ZNF462: variants seen among roughly 807,000 people sequenced by gnomAD.
ZNF462 encodes the protein zinc finger PBX1-interacting protein.
Under a neutral mutation model 201.9 loss-of-function variants are expected in ZNF462, and 10 were observed. The observed-to-expected ratio is 0.05, with a 90% CI of 0.03 to 0.08. The LOEUF is 0.08. Ranked by LOEUF, ZNF462 falls within the 10% of genes least tolerant of loss-of-function variation. The probability of loss-of-function intolerance (pLI) is 1.00; values close to 1 mark genes in which losing one functional copy is unlikely to be tolerated. For synonymous variants in ZNF462, 1,227 were observed against 1,193.3 expected, an observed-to-expected ratio of 1.03 and a Z score of -0.58; for missense variants, 2,523 against 3,168.3, an observed-to-expected ratio of 0.80 and a Z score of 4.89.
intron 7 of ZNF462, among the ~76,000 whole-genome samples, chr9:106,957,179 T>A (rs754893681): frequency 6.6e-6 from 1 of 152,118 alleles, no homozygotes; most frequent in Non-Finnish European, 1.5e-5. Context: ...ACTTTTTCTT[T>A]CACTTGAACA....
rs769793291 is a variant in ZNF462, at chr9:106,927,780, G to A, written c.3868G>A (p.Ala1290Thr). 6.4e-5 allele frequency: 104 copies of A among 1,613,840 alleles called. No homozygotes were observed. The highest frequency in any genetic ancestry group is 4.0e-4 in the South Asian group (36 of 91,062). Residue 1290 changes from alanine to threonine, a missense_variant, in exon 3 of 13, where the codon GCC becomes ACC. Coordinates refer to ENST00000277225, the MANE Select transcript of ZNF462 (RefSeq NM_021224.6). ...GAAGCATATCAAGAAAGACCACCCC[G>A]CCCTGAAAGCCACAGTCACGTCCAT... Reference protein sequence around the residue: ...LRKHIKKDHPALKATVTSIMR... With the variant: ...LRKHIKKDHPTLKATVTSIMR...
intron 1 of ZNF462, among the ~76,000 whole-genome samples, chr9:106,879,329 T>TCCCC (rs1321110689): frequency 6.7e-5 from 5 of 74,506 alleles, no homozygotes; most frequent in East Asian, 3.4e-4. Context: ...AGAGATGCTT[T>TCCCC]CCACCCCCCC....
In ZNF462 at chr9:106,923,318, A is replaced by G; in HGVS notation, c.-30-36A>G. The G allele has an allele frequency of 6.6e-7, 1 of 1,513,444 alleles. No homozygotes were observed. Among genetic ancestry groups the G allele is most frequent in the Non-Finnish European group, 9.2e-7 (1 of 1,090,506 alleles). 93.8% of individuals were successfully genotyped at this position (1,513,444 alleles called of 1,614,324 possible). ...TCAGCTCGAGGTATGTGATTAGTGCATTCCTTAAGATGTTTTGTTCTGACT... is the reference window on the plus strand; with the variant it reads ...TCAGCTCGAGGTATGTGATTAGTGCGTTCCTTAAGATGTTTTGTTCTGACT... On this transcript the variant is annotated intron_variant, in intron 1 of 12. Coordinates refer to ENST00000277225, the MANE Select transcript of ZNF462 (RefSeq NM_021224.6). The surrounding 1 kb of genome is among the most constrained non-coding windows in gnomAD (Gnocchi z 5.6).
chr9:106,870,043 A>G lies in ZNF462; in HGVS notation c.-31+6688A>G, dbSNP rs1370454185. On this transcript the variant is annotated intron_variant, in intron 1 of 12. Coordinates refer to ENST00000277225, the MANE Select transcript of ZNF462 (RefSeq NM_021224.6). The surrounding 1 kb of genome is among the most constrained non-coding windows in gnomAD (Gnocchi z 4.3). ...TATCATAAAATTTATCTTTTTTCTA[A>G]GTCCTCCTATTCTCATCAGCTGAAG... Among the ~76,000 whole-genome samples, 1 of 152,112 alleles carries G rather than the reference A, an allele frequency of 6.6e-6. No homozygotes were observed. The highest frequency in any genetic ancestry group is 6.5e-5 in the Admixed American group (1 of 15,270).
In ZNF462 at chr9:106,932,741, T is replaced by G. The variant is rs1830475004; in HGVS notation, c.6116+192T>G. On this transcript the variant is annotated intron_variant, in intron 5 of 12. Coordinates refer to ENST00000277225, the MANE Select transcript of ZNF462 (RefSeq NM_021224.6). This position sits in a 1 kb window ranked among gnomAD's most constrained non-coding sequence, Gnocchi z 6.8. ...GAACAGGAGATTGATCGGATGGCGT[T>G]AGATTTGGCAAATGCAGGCATTTTA... The G allele has an allele frequency of 2.9e-6, 2 of 692,712 alleles. No individual in the cohort carries two copies. The highest frequency in any genetic ancestry group is 1.8e-5 in the African/African-American group (1 of 55,612). The allele number at this position is 692,712 out of a possible 1,614,324, so 42.9% of individuals were successfully genotyped here. A position where few individuals can be genotyped will look rare whatever the true frequency, so the allele number is the denominator to read the frequency against.
chr9:106,995,084 G>A (rs1185362584), intron 10 of ZNF462, among the ~76,000 whole-genome samples: 1 of 152,042 alleles, frequency 6.6e-6, no homozygotes, highest in Non-Finnish European at 1.5e-5. Flanking sequence ...TTTGGGTCCA[G>A]GAGATTGACA....
At chr9:106,866,875 A>G (rs938288203) in intron 1 of ZNF462, among the ~76,000 whole-genome samples, 1 of 152,240 alleles carries the variant, frequency 6.6e-6, no homozygotes, top group African/African-American at 2.4e-5. Context: ...AAACATAAGT[A>G]CATTATATAT....
chr9:106,888,168 A>G (rs1337671245), intron 1 of ZNF462, among the ~76,000 whole-genome samples: 2 of 150,230 alleles, frequency 1.3e-5, no homozygotes, highest in Non-Finnish European at 3.0e-5. Context: ...CAGCCTCCCC[A>G]GTAGCTGGGA....
At position 106,938,509 on chromosome 9, in the gene ZNF462, G is replaced by A. The variant is rs1306700446; in HGVS notation, c.6236-407G>A. On this transcript the variant is annotated intron_variant, in intron 6 of 12. Transcript: ENST00000277225. This position sits in a 1 kb window ranked among gnomAD's most constrained non-coding sequence, Gnocchi z 4.4. ...GATCTTTGGAATAATAATTAAGCAT[G>A]TTATTTTCTGGGACTGACAAAAAGG... Among the ~76,000 whole-genome samples the A allele has an allele frequency of 6.6e-6, 1 of 152,158 alleles. No homozygotes were observed. Among genetic ancestry groups the A allele is most frequent in the Non-Finnish European group, 1.5e-5 (1 of 68,012 alleles).
Position 107,009,789 on chromosome 9 carries a change from T to C in ZNF462, c.7313+121T>C. 1 of 1,420,132 alleles carries C rather than the reference T, an allele frequency of 7.0e-7. No homozygotes were observed. Among genetic ancestry groups the C allele is most frequent in the Non-Finnish European group, 9.5e-7 (1 of 1,056,992 alleles). 88.0% of individuals were successfully genotyped at this position (1,420,132 alleles called of 1,614,324 possible). On this transcript the variant is annotated intron_variant, in intron 12 of 12. Coordinates refer to ENST00000277225, the MANE Select transcript of ZNF462 (RefSeq NM_021224.6). This position sits in a 1 kb window ranked among gnomAD's most constrained non-coding sequence, Gnocchi z 6.1. ...CCCTCTGTGTCACATTTCTGGGCCGTGGGAGGAGAGGCAATGGTGAGGAAC... is the reference window on the plus strand; with the variant it reads ...CCCTCTGTGTCACATTTCTGGGCCGCGGGAGGAGAGGCAATGGTGAGGAAC...
chr9:106,975,391 C>G (rs887717523), intron 9 of ZNF462: 4 of 152,222 alleles, frequency 2.6e-5, no homozygotes, highest in Admixed American at 2.6e-4. Flanking sequence ...CCTCACATTG[C>G]CCCTGAGCCA....
chr9:106,874,035 A>C (rs1473994642), intron 1 of ZNF462, among the ~76,000 whole-genome samples: 2 of 152,224 alleles, frequency 1.3e-5, no homozygotes, highest in Admixed American at 1.3e-4. Flanking sequence ...AGAGTCATCC[A>C]TTTTTACTTC....
Position 107,009,777 on chromosome 9 carries a change from A to G in ZNF462, c.7313+109A>G. On this transcript the variant is annotated intron_variant, in intron 12 of 12. Coordinates refer to ENST00000277225, the MANE Select transcript of ZNF462 (RefSeq NM_021224.6). This position sits in a 1 kb window ranked among gnomAD's most constrained non-coding sequence, Gnocchi z 6.1. Reference sequence around the variant, plus strand: ...CAGTATGTACACCCCTCTGTGTCACATTTCTGGGCCGTGGGAGGAGAGGCA... The same window carrying G: ...CAGTATGTACACCCCTCTGTGTCACGTTTCTGGGCCGTGGGAGGAGAGGCA... The G allele has an allele frequency of 1.3e-6, 2 of 1,482,218 alleles. No homozygotes were observed. The highest frequency in any genetic ancestry group is 2.1e-5 in the Admixed American group (1 of 48,016). 91.8% of individuals were successfully genotyped at this position (1,482,218 alleles called of 1,614,324 possible). A position where few individuals can be genotyped will look rare whatever the true frequency, so the allele number is the denominator to read the frequency against.
At position 107,009,496 on chromosome 9, in the gene ZNF462, C is replaced by A; in HGVS notation, c.7190-49C>A. 1 of 1,610,126 alleles carries A rather than the reference C, an allele frequency of 6.2e-7. No individual in the cohort carries two copies. Among genetic ancestry groups the A allele is most frequent in the Non-Finnish European group, 8.5e-7 (1 of 1,177,270 alleles). ...CCTAATGAATGCTGACTTACCTATTCTGCTGATTCCCACAGCACACAGGTA... is the reference window on the plus strand; with the variant it reads ...CCTAATGAATGCTGACTTACCTATTATGCTGATTCCCACAGCACACAGGTA... On this transcript the variant is annotated intron_variant, in intron 11 of 12. Coordinates refer to ENST00000277225, the MANE Select transcript of ZNF462 (RefSeq NM_021224.6). This position sits in a 1 kb window ranked among gnomAD's most constrained non-coding sequence, Gnocchi z 6.1.
At chr9:106,967,990 T>C (rs1469627199) in intron 7 of ZNF462, among the ~76,000 whole-genome samples, 1 of 152,200 alleles carries the variant, frequency 6.6e-6, no homozygotes, top group Non-Finnish European at 1.5e-5. Flanking sequence ...TCTAATGTTA[T>C]TTTCTTAACT....
rs978490752 is a variant in ZNF462, at chr9:106,974,010, T to G, written c.6696-127T>G. On this transcript the variant is annotated intron_variant, in intron 8 of 12. Transcript: ENST00000277225. The surrounding 1 kb of genome is among the most constrained non-coding windows in gnomAD (Gnocchi z 4.0). Reference sequence around the variant, plus strand: ...GTGGTCAACAAACATGATGAACAGATTTTTTTTTAGCCCCACAAGCAGGAG... The same window carrying G: ...GTGGTCAACAAACATGATGAACAGAGTTTTTTTTAGCCCCACAAGCAGGAG... 9.6e-7 allele frequency: 1 copy of G among 1,041,928 alleles called. No homozygotes were observed. The allele number at this position is 1,041,928 out of a possible 1,614,324, so 64.5% of individuals were successfully genotyped here. A position where few individuals can be genotyped will look rare whatever the true frequency, so the allele number is the denominator to read the frequency against.
In ZNF462 at chr9:106,926,081, T is replaced by TGAAGAG. The variant is rs763315108; in HGVS notation, c.2181_2186dup (p.Glu727_Glu728dup). ...ATGCAGTGATCAATGTTGAGGATGATGAAGAGGAAGAGGAAGACAACGAAG... is the reference window on the plus strand; with the variant it reads ...ATGCAGTGATCAATGTTGAGGATGATGAAGAGGAAGAGGAAGAGGAAGACAACGAAG... On this transcript the variant is annotated inframe_insertion, in exon 3 of 13. Transcript: ENST00000277225. This position sits in a 1 kb window ranked among gnomAD's most constrained non-coding sequence, Gnocchi z 7.9. 4.8e-5 allele frequency: 77 copies of TGAAGAG among 1,613,948 alleles called. No individual in the cohort carries two copies. The highest frequency in any genetic ancestry group is 8.8e-5 in the South Asian group (8 of 91,080).
At chr9:106,989,116 A>G (rs1828073484) in intron 10 of ZNF462, among the ~76,000 whole-genome samples, 1 of 152,078 alleles carries the variant, frequency 6.6e-6, no homozygotes, top group Non-Finnish European at 1.5e-5. Context: ...GTCTTGTTCC[A>G]GTTCTCAGAG....
In ZNF462 at chr9:106,925,993, C is replaced by T. The variant is rs1419200801; in HGVS notation, c.2081C>T (p.Thr694Ile). 2 of 1,614,098 alleles carry T rather than the reference C, an allele frequency of 1.2e-6. No homozygotes were observed. Among genetic ancestry groups the T allele is most frequent in the Non-Finnish European group, 1.7e-6 (2 of 1,180,016 alleles). The change falls in exon 3 of 13, where the codon ACC becomes ATC. Residue 694 changes from threonine to isoleucine, a missense_variant. By Grantham distance (89) the Thr-to-Ile change is moderately conservative (BLOSUM62 -1). Transcript: ENST00000277225. The surrounding 1 kb of genome is among the most constrained non-coding windows in gnomAD (Gnocchi z 7.9). ...PLDLSPVKKR[T>I]RIDEIASNLQ... Reference sequence around the variant, plus strand: ...GATTTGTCACCCGTGAAGAAGAGAACCAGGATTGACGAGATAGCAAGCAAC... The same window carrying T: ...GATTTGTCACCCGTGAAGAAGAGAATCAGGATTGACGAGATAGCAAGCAAC...
Sources: allele counts gnomAD v4.1 joint callset (sites outside exome capture counted in the v4.1 genomes callset), GRCh38; gene constraint gnomAD v4.1.1; non-coding constraint Gnocchi (gnomAD v3.1); transcripts MANE v1.5; gene names NCBI Gene and HGNC (gene_info 2026-07-23, HGNC 2026-07-21).